PCDHA2: variants seen among roughly 807,000 people sequenced by gnomAD.
PCDHA2 encodes the protein protocadherin alpha-2.
Under a neutral mutation model 66.0 loss-of-function variants are expected in PCDHA2, and 58 were observed. The observed-to-expected ratio is 0.88, with a 90% CI of 0.71 to 1.09. PCDHA2 has a LOEUF of 1.09. Among genes scored for constraint, PCDHA2 ranks in the 50% least tolerant of loss-of-function variants. PCDHA2 has a pLI of 0.00. For synonymous variants in PCDHA2, 634 were observed against 554.0 expected, an observed-to-expected ratio of 1.14 and a Z score of -2.03; for missense variants, 1,267 against 1,242.3, an observed-to-expected ratio of 1.02 and a Z score of -0.30.
At chr5:140,884,550 G>C (rs781916237) in intron 1 of PCDHA2, 2 of 1,614,118 alleles carry the variant, frequency 1.2e-6, no homozygotes, top group Non-Finnish European at 1.7e-6. Flanking sequence ...GTGTGCTCTG[G>C]GGAGGGCCCG....
intron 1 of PCDHA2, among the ~76,000 whole-genome samples, chr5:140,818,941 A>T (rs1470762019): frequency 6.6e-6 from 1 of 152,234 alleles, no homozygotes; most frequent in Non-Finnish European, 1.5e-5. Context: ...TTTGACATGA[A>T]CATTGATATT....
intron 1 of PCDHA2, among the ~76,000 whole-genome samples, chr5:140,974,521 G>GT (rs1223492348): frequency 3.0e-4 from 45 of 152,208 alleles, no homozygotes; most frequent in African/African-American, 1.0e-3. Flanking sequence ...TTTTATTTTA[G>GT]TTTTTTTGAG....
In PCDHA2 at chr5:140,926,182, C is replaced by G. The variant is rs1041630365; in HGVS notation, c.2389-52767C>G. Among the ~76,000 whole-genome samples, 27 of 151,858 alleles carry G rather than the reference C, an allele frequency of 1.8e-4. No individual in the cohort carries two copies. The East Asian group carries it at 2.5e-3, about 14-fold the overall frequency. On this transcript the variant is annotated intron_variant, in intron 1 of 3. Coordinates refer to ENST00000526136, the MANE Select transcript of PCDHA2 (RefSeq NM_018905.3). ...CAGCAGGATCCAGCGCGGAAAGCCC[C>G]CCGCAGCACTTCTTTCGGGGGGCTC...
At chr5:140,938,424 T>C (rs960926721) in intron 1 of PCDHA2, among the ~76,000 whole-genome samples, 1 of 152,204 alleles carries the variant, frequency 6.6e-6, no homozygotes, top group African/African-American at 2.4e-5. Flanking sequence ...TTTGCAAAAA[T>C]CCTTTATCAG....
rs2150331994 is a variant in PCDHA2, at chr5:140,842,213, A to G, written c.2388+44861A>G. The G allele has an allele frequency of 8.1e-6, 13 of 1,613,600 alleles. 1 individual carries two copies. The South Asian group carries it at 1.4e-4, about 18-fold the overall frequency. ...TATTGACCACTTTAGCATAGATCGA[A>G]ATACGGGAGAAATAGTGATTCGGGG... On this transcript the variant is annotated intron_variant, in intron 1 of 3. Coordinates refer to ENST00000526136, the MANE Select transcript of PCDHA2 (RefSeq NM_018905.3).
Position 140,881,064 on chromosome 5 carries a change from T to C in PCDHA2, c.2388+83712T>C, listed in dbSNP as rs191524582. On this transcript the variant is annotated intron_variant, in intron 1 of 3. Transcript: ENST00000526136. ...AGAGTTGTGCACAGAACAGGCCAGA[T>C]AATTATTGGAGCTATGATATATTTT... Among the ~76,000 whole-genome samples, 392 of 152,302 alleles carry C rather than the reference T, an allele frequency of 2.6e-3. 1 individual carries two copies. The highest frequency in any genetic ancestry group is 9.1e-3 in the African/African-American group (379 of 41,556).
intron 1 of PCDHA2, chr5:140,882,953 C>T: frequency 3.7e-6 from 6 of 1,614,184 alleles, no homozygotes; most frequent in East Asian, 2.2e-5. Flanking sequence ...AGTTCAGCTG[C>T]TCATCACGAT....
chr5:140,870,202 G>T, intron 1 of PCDHA2: 1 of 1,614,162 alleles, frequency 6.2e-7, no homozygotes, highest in Non-Finnish European at 8.5e-7. Flanking sequence ...GCCCAGCACG[G>T]TCATTGCCCT....
intron 1 of PCDHA2, among the ~76,000 whole-genome samples, chr5:140,943,588 T>C (rs1179171934): frequency 1.3e-5 from 2 of 152,176 alleles, no homozygotes; most frequent in Non-Finnish European, 2.9e-5. Context: ...TGAGTGGGGC[T>C]GAATTCTAAA....
At chr5:140,846,500 A>G (rs1234725783) in intron 1 of PCDHA2, among the ~76,000 whole-genome samples, 2 of 143,700 alleles carry the variant, frequency 1.4e-5, no homozygotes, top group African/African-American at 2.6e-5. Flanking sequence ...TCAGCCTCCC[A>G]AGTAGCTGGG....
chr5:140,902,044 A>AT (rs1222362795), intron 1 of PCDHA2, among the ~76,000 whole-genome samples: 6 of 152,016 alleles, frequency 3.9e-5, no homozygotes, highest in Non-Finnish European at 5.9e-5. Flanking sequence ...TTGTATGTTG[A>AT]TTTTGTATCC....
Position 140,823,173 on chromosome 5 carries a change from C to A in PCDHA2, c.2388+25821C>A. ...AGTATACCGTGTTCGTGAAGGAGAACAACCCGCCAGGCTGCCACATCTTCA... is the reference window on the plus strand; with the variant it reads ...AGTATACCGTGTTCGTGAAGGAGAAAAACCCGCCAGGCTGCCACATCTTCA... On this transcript the variant is annotated intron_variant, in intron 1 of 3. Transcript: ENST00000526136. 4 of 1,613,906 alleles carry A rather than the reference C, an allele frequency of 2.5e-6. No individual in the cohort carries two copies. In the South Asian group the frequency reaches 4.4e-5, roughly 18 times the overall value.
chr5:140,876,791 G>A (rs782617794), intron 1 of PCDHA2: 1 of 1,614,242 alleles, frequency 6.2e-7, no homozygotes, highest in Non-Finnish European at 8.5e-7. Context: ...GCCACGGCTA[G>A]AGTGTCCGTG....
At chr5:140,836,644 G>A (rs2150266560) in intron 1 of PCDHA2, 1 of 1,613,528 alleles carries the variant, frequency 6.2e-7, no homozygotes. Flanking sequence ...TCCCAGCAGA[G>A]GCGGCAGAGG....
At position 140,870,438 on chromosome 5, in the gene PCDHA2, C is replaced by T. The variant is rs192088459; in HGVS notation, c.2388+73086C>T. 3.9e-4 allele frequency: 630 copies of T among 1,614,178 alleles called. 3 individuals are homozygous for T. The African/African-American group carries it at 7.7e-3, about 20-fold the overall frequency. On this transcript the variant is annotated intron_variant, in intron 1 of 3. Coordinates refer to ENST00000526136, the MANE Select transcript of PCDHA2 (RefSeq NM_018905.3). ...CGGCCAGGGTATCCGTGGAGGTGGCCGACGTGAACGACAATGCGCCTGCGT... is the reference window on the plus strand; with the variant it reads ...CGGCCAGGGTATCCGTGGAGGTGGCTGACGTGAACGACAATGCGCCTGCGT...
intron 3 of PCDHA2, chr5:140,988,873 G>A (rs1471282852): frequency 6.6e-6 from 1 of 152,170 alleles, no homozygotes; most frequent in Non-Finnish European, 1.5e-5. Context: ...GCACTCAGAT[G>A]TACGATCCTG....
At position 140,924,017 on chromosome 5, in the gene PCDHA2, T is replaced by C. The variant is rs2081624736; in HGVS notation, c.2389-54932T>C. Among the ~76,000 whole-genome samples, 3 of 152,218 alleles carry C rather than the reference T, an allele frequency of 2.0e-5. No individual in the cohort carries two copies. In the South Asian group the frequency reaches 6.2e-4, roughly 32 times the overall value. On this transcript the variant is annotated intron_variant, in intron 1 of 3. Transcript: ENST00000526136. ...CTCAGAATTCCTAAACCTGGTATAA[T>C]TGGAGGCATGGCTGCAGACCTAAAA...
intron 3 of PCDHA2, among the ~76,000 whole-genome samples, chr5:141,004,496 C>T (rs1179748811): frequency 6.6e-6 from 1 of 152,152 alleles, no homozygotes; most frequent in Non-Finnish European, 1.5e-5. Context: ...CTTGGCAGTC[C>T]TGCTGTGAGG....
chr5:140,863,228 C>A, intron 1 of PCDHA2: 1 of 1,183,022 alleles, frequency 8.5e-7, no homozygotes, highest in Non-Finnish European at 1.2e-6. Flanking sequence ...AGGAAGGTCC[C>A]ATCGCGGGCT....
Sources: gnomAD v4.1 joint callset for allele counts (sites outside exome capture counted in the v4.1 genomes callset) on GRCh38, gnomAD v4.1.1 for gene constraint, MANE v1.5 for transcripts, NCBI Gene and HGNC (gene_info 2026-07-23, HGNC 2026-07-21) for gene names.